ADAMTS13: variants seen among roughly 807,000 people sequenced by gnomAD.
ADAMTS13 encodes ADAM metallopeptidase with thrombospondin type 1 motif 13.
A neutral mutation model predicts 155.1 loss-of-function variants in ADAMTS13; 110 were observed. The observed-to-expected ratio is 0.71, with a 90% CI of 0.61 to 0.83. ADAMTS13 has a LOEUF of 0.83. ADAMTS13 is among the 40% of genes least tolerant of loss of function. ADAMTS13 has a pLI of 0.00. For missense variants in ADAMTS13, 1,707 were observed against 1,891.7 expected (o/e 0.90, Z 1.81); for synonymous variants, 758 against 756.4 (o/e 1.00, Z -0.03).
intron 8 of ADAMTS13, among the ~76,000 whole-genome samples, chr9:133,430,988 C>T (rs1840723346): frequency 6.6e-6 from 1 of 151,952 alleles, no homozygotes; most frequent in Non-Finnish European, 1.5e-5. Flanking sequence ...TCTTTTGAGA[C>T]AGGGCCTCGT....
chr9:133,435,631 C>G (rs1027447533), intron 11 of ADAMTS13, among the ~76,000 whole-genome samples: 1 of 151,728 alleles, frequency 6.6e-6, no homozygotes, highest in African/African-American at 2.4e-5. Context: ...CCAGGTTCAC[C>G]CCATTCTCCT....
chr9:133,426,157 C>A (rs374620931), intron 5 of ADAMTS13, 42 bp from the exon 6 acceptor site: 1 of 1,614,006 alleles, frequency 6.2e-7, no homozygotes, highest in Non-Finnish European at 8.5e-7. Context: ...AGGGCAGGCA[C>A]GTGCCTTGGC....
In ADAMTS13 at chr9:133,433,448, C is replaced by G; in HGVS notation, c.1163C>G (p.Ser388Cys). ...TPIAAVHGRW[S>C]SWGPRSPCSR... ...ATAGCAGCAGTGCATGGGCGCTGGT[C>G]TAGCTGGGGTCCCCGAAGTCCTTGC... The change falls in exon 10 of 29, where the codon TCT becomes TGT. Residue 388 changes from serine (S) to cysteine (C), a missense_variant. By Grantham distance (112) the Ser-to-Cys change is moderately radical (BLOSUM62 -1). Around this residue, in one of 3 missense-constraint regions of ADAMTS13, gnomAD observed 733 missense variants for 749.6 expected, o/e 0.98. Coordinates refer to ENST00000355699, the MANE Select transcript of ADAMTS13 (RefSeq NM_139027.6). The G allele has an allele frequency of 3.7e-6, 6 of 1,613,504 alleles. No homozygotes were observed. Among genetic ancestry groups the G allele is most frequent in the Non-Finnish European group, 5.1e-6 (6 of 1,179,960 alleles).
chr9:133,456,572 AC>A lies in ADAMTS13; in HGVS notation c.3579del (p.Trp1194GlyfsTer11). The A allele has an allele frequency of 6.2e-7, 1 of 1,613,490 alleles. No individual in the cohort carries two copies. Among genetic ancestry groups the A allele is most frequent in the Non-Finnish European group, 8.5e-7 (1 of 1,179,948 alleles). On this transcript the variant is annotated frameshift_variant, in exon 27 of 29. Transcript: ENST00000355699. LOFTEE classifies it high-confidence loss of function. This position sits in a 1 kb window ranked among gnomAD's most constrained non-coding sequence, Gnocchi z 4.4. ...GDMLLLWGRLTWRKMCRKLLD... is the reference protein window; with the variant it reads ...GDMLLLWGRLXWRKMCRKLLD... ...CATGTTGCTGCTTTGGGGCCGGCTCACCTGGAGGAAGATGTGCAGGAAGCTG... is the reference window on the plus strand; with the variant it reads ...CATGTTGCTGCTTTGGGGCCGGCTCACTGGAGGAAGATGTGCAGGAAGCTG...
At chr9:133,432,958 G>T (rs1476500762) in intron 9 of ADAMTS13, among the ~76,000 whole-genome samples, 5 of 147,520 alleles carry the variant, frequency 3.4e-5, no homozygotes, top group African/African-American at 5.1e-5. Flanking sequence ...CTGTGTGAAG[G>T]TCCTTGTGGA....
chr9:133,426,537 A>C (rs1419089923), intron 6 of ADAMTS13, among the ~76,000 whole-genome samples, 192 bp downstream of exon 6: 1 of 152,208 alleles, frequency 6.6e-6, no homozygotes, highest in Non-Finnish European at 1.5e-5. Flanking sequence ...TTTTTTTCCA[A>C]AAGACGAGCA....
chr9:133,424,800 C>T lies in ADAMTS13; in HGVS notation c.330+322C>T, dbSNP rs983974387. ...TAAAGCAACCCTGGCAAATGGGATA[C>T]GGGCTGCTCACACTGCCCTCTGCAC... is the stretch of plus-strand genomic sequence containing the variant. On this transcript the variant is annotated intron_variant, in intron 3 of 28. Transcript: ENST00000355699. The surrounding 1 kb of genome is among the most constrained non-coding windows in gnomAD (Gnocchi z 4.3). 7.2e-5 allele frequency among the ~76,000 whole-genome samples: 11 copies of T among 152,326 alleles called. No homozygotes were observed. Among genetic ancestry groups the T allele is most frequent in the Admixed American group, 3.3e-4 (5 of 15,298 alleles).
At chr9:133,426,428 T>C (rs945968870) in intron 6 of ADAMTS13, 83 bp downstream of exon 6, 13 of 1,558,476 alleles carry the variant, frequency 8.3e-6, no homozygotes, top group Non-Finnish European at 1.1e-5. Context: ...TGGCAAGCAG[T>C]GGGTCCTTGT....
intron 6 of ADAMTS13, among the ~76,000 whole-genome samples, chr9:133,427,459 C>A (rs957893195): frequency 6.6e-6 from 1 of 152,194 alleles, no homozygotes; most frequent in Non-Finnish European, 1.5e-5. Context: ...CCCCACCCGA[C>A]CCCTTTCAAC....
intron 23 of ADAMTS13, among the ~76,000 whole-genome samples, chr9:133,452,132 T>TTG (rs199723013): frequency 2.0e-5 from 3 of 151,622 alleles, no homozygotes; most frequent in Non-Finnish European, 2.9e-5. Context: ...TTTTTTTTTT[T>TTG]GAGACAGTTT....
chr9:133,421,375 T>C (rs1554783073), upstream of ADAMTS13, among the ~76,000 whole-genome samples: 2 of 152,238 alleles, frequency 1.3e-5, no homozygotes, highest in Non-Finnish European at 1.5e-5. Context: ...AACAGCCTCC[T>C]TACCTTCCTG....
At chr9:133,429,703 C>G (rs1416718865) in intron 7 of ADAMTS13, 1 of 697,032 alleles carries the variant, frequency 1.4e-6, no homozygotes, top group African/African-American at 1.8e-5. Flanking sequence ...CACTCAGACC[C>G]GTCCCTCCGT....
At chr9:133,434,472 A>ATTT (rs1300941556) in intron 11 of ADAMTS13, among the ~76,000 whole-genome samples, 1 of 151,846 alleles carries the variant, frequency 6.6e-6, no homozygotes, top group South Asian at 2.1e-4. Flanking sequence ...CGCCCGGCTA[A>ATTT]TTTTTTGTAT....
At chr9:133,415,912 A>T (rs1839567471) in intron 1 of ADAMTS13, 1 of 152,284 alleles carries the variant, frequency 6.6e-6, no homozygotes, top group Admixed American at 6.5e-5. Flanking sequence ...AGGAGGTTCA[A>T]GAAGCGCTCG....
intron 11 of ADAMTS13, among the ~76,000 whole-genome samples, chr9:133,435,896 C>T (rs782791431): frequency 6.6e-6 from 1 of 152,058 alleles, no homozygotes; most frequent in Non-Finnish European, 1.5e-5. Flanking sequence ...CACATTCCCA[C>T]CAGCATTGCG....
intron 23 of ADAMTS13, among the ~76,000 whole-genome samples, chr9:133,451,439 G>T (rs1347390750): frequency 6.6e-6 from 1 of 152,146 alleles, no homozygotes; most frequent in African/African-American, 2.4e-5. Flanking sequence ...TGTATTTTTA[G>T]TAGAGACAGG....
intron 21 of ADAMTS13, among the ~76,000 whole-genome samples, chr9:133,447,188 A>G (rs1395958462): frequency 1.3e-5 from 2 of 151,912 alleles, no homozygotes; most frequent in African/African-American, 2.4e-5. Context: ...GGCCATCCTA[A>G]TGGGCTTGAG....
intron 15 of ADAMTS13, among the ~76,000 whole-genome samples, chr9:133,439,726 G>A (rs1841518952): frequency 6.6e-6 from 1 of 152,246 alleles, no homozygotes; most frequent in African/African-American, 2.4e-5. Flanking sequence ...TCTCAGGGAT[G>A]TGACACCCTT....
Position 133,456,827 on chromosome 9 carries a change from C to T in ADAMTS13, c.3724+108C>T, listed in dbSNP as rs782627692. The T allele has an allele frequency of 2.3e-5, 32 of 1,374,536 alleles. No homozygotes were observed. The highest frequency in any genetic ancestry group is 7.9e-5 in the Admixed American group (4 of 50,744). 85.1% of individuals were successfully genotyped at this position (1,374,536 alleles called of 1,614,324 possible). On this transcript the variant is annotated intron_variant, in intron 27 of 28. Transcript: ENST00000355699. The surrounding 1 kb of genome is among the most constrained non-coding windows in gnomAD (Gnocchi z 4.4). ...GTCCCAGTGGGGCAGTGGGAAGATA[C>T]GGAGGGAACTGACTGAGATGGAAGG...
Sources: allele counts gnomAD v4.1 joint callset (sites outside exome capture counted in the v4.1 genomes callset), GRCh38; gene constraint gnomAD v4.1.1; regional missense constraint gnomAD v4.1.1; non-coding constraint Gnocchi (gnomAD v3.1); transcripts MANE v1.5; gene names NCBI Gene and HGNC (gene_info 2026-07-23, HGNC 2026-07-21).